PTPRG: variants seen among roughly 807,000 people sequenced by gnomAD.
PTPRG encodes the protein receptor-type tyrosine-protein phosphatase gamma.
Under a neutral mutation model 165.3 loss-of-function variants are expected in PTPRG, and 102 were observed. The observed-to-expected ratio is 0.62, with a 90% confidence interval of 0.53 to 0.73. PTPRG has a LOEUF of 0.73. Among genes scored for constraint, PTPRG ranks in the 30% least tolerant of loss-of-function variants. The probability of loss-of-function intolerance (pLI) is 0.00; values close to 1 mark genes in which losing one functional copy is unlikely to be tolerated. For synonymous variants in PTPRG, 675 were observed against 669.5 expected (o/e 1.01, Z -0.13); for missense variants, 1,866 against 1,861.4 (o/e 1.00, Z -0.05).
At chr3:62,120,333 A>G (rs1268048539) in intron 5 of PTPRG, among the ~76,000 whole-genome samples, 2 of 152,212 alleles carry the variant, frequency 1.3e-5, no homozygotes, top group Admixed American at 1.3e-4. Flanking sequence ...AGGAGGTAGA[A>G]TCTTCCAGAA....
At chr3:61,892,838 G>C (rs887058867) in intron 2 of PTPRG, among the ~76,000 whole-genome samples, 4 of 151,768 alleles carry the variant, frequency 2.6e-5, no homozygotes, top group Non-Finnish European at 4.4e-5. Flanking sequence ...AAAGTACCTG[G>C]GTCCCTTTAA....
intron 3 of PTPRG, among the ~76,000 whole-genome samples, chr3:62,002,001 T>G (rs1398337016): frequency 6.6e-6 from 1 of 152,218 alleles, no homozygotes; most frequent in Non-Finnish European, 1.5e-5. Context: ...CATGTTTAAT[T>G]GGCACAAGAA....
intron 7 of PTPRG, among the ~76,000 whole-genome samples, chr3:62,166,990 T>C (rs1705013242): frequency 6.6e-6 from 1 of 152,082 alleles, no homozygotes; most frequent in African/African-American, 2.4e-5. Context: ...GCCCAAAGAA[T>C]CCCTTTTGAT....
At chr3:61,980,405 T>C (rs1326508656) in intron 2 of PTPRG, among the ~76,000 whole-genome samples, 2 of 152,186 alleles carry the variant, frequency 1.3e-5, no homozygotes, top group African/African-American at 4.8e-5. Context: ...CTTCAGAGCT[T>C]GTTTCTTCTT....
In PTPRG at chr3:62,191,065, G is replaced by A. The variant is rs544508088; in HGVS notation, c.1034-404G>A. On this transcript the variant is annotated intron_variant, in intron 8 of 29. Transcript: ENST00000474889. ...CAGAAAAACAGTTCTGTGTGTGTGC[G>A]CATGTGCATCTGTGTCCCGTGCATG... Among the ~76,000 whole-genome samples, 7 of 152,262 alleles carry A rather than the reference G, an allele frequency of 4.6e-5. No individual in the cohort carries two copies. In the East Asian group the frequency reaches 9.7e-4, roughly 21 times the overall value.
At chr3:61,568,779 A>C (rs1281013448) in intron 1 of PTPRG, among the ~76,000 whole-genome samples, 1 of 151,950 alleles carries the variant, frequency 6.6e-6, no homozygotes, top group Non-Finnish European at 1.5e-5. Flanking sequence ...ATGGTGGTGC[A>C]CACCTGTAGT....
chr3:61,570,288 CATG>C lies in PTPRG; in HGVS notation c.85+7919_85+7921del, dbSNP rs1271842930. The stretch of plus-strand genomic sequence containing the variant: ...TTTTTTTTTTGCAGACTGAAATCAG[CATG>C]ATATTTTTCTGGCCAAACAACAAAA... On this transcript the variant is annotated intron_variant, in intron 1 of 29. Transcript: ENST00000474889. Among the ~76,000 whole-genome samples, 5 of 151,508 alleles carry C rather than the reference CATG, an allele frequency of 3.3e-5. No individual in the cohort carries two copies. The East Asian group carries it at 9.7e-4, about 29-fold the overall frequency.
intron 2 of PTPRG, among the ~76,000 whole-genome samples, chr3:61,765,775 C>CT (rs2033997921): frequency 6.6e-6 from 1 of 152,160 alleles, no homozygotes; most frequent in Non-Finnish European, 1.5e-5. Flanking sequence ...AGATTTCTCA[C>CT]TTTTTTGTAT....
intron 2 of PTPRG, among the ~76,000 whole-genome samples, chr3:61,793,471 A>G (rs1248272483): frequency 2.0e-5 from 3 of 152,222 alleles, no homozygotes; most frequent in Non-Finnish European, 4.4e-5. Context: ...CCTAGAAGGT[A>G]GAAAGAGAAC....
intron 4 of PTPRG, among the ~76,000 whole-genome samples, chr3:62,048,605 T>C (rs1700370657): frequency 6.6e-6 from 1 of 152,226 alleles, no homozygotes. Context: ...CTTACTACCT[T>C]TTTAATCTAT....
chr3:62,096,742 T>C (rs886556), intron 5 of PTPRG, among the ~76,000 whole-genome samples: 97,625 of 152,042 alleles, frequency 0.64, 31,586 homozygotes, highest in Middle Eastern at 0.72. Context: ...TATAGTATCA[T>C]ATTATTCTCT....
intron 16 of PTPRG, chr3:62,262,021 G>C (rs1701714844): frequency 6.6e-6 from 1 of 152,110 alleles, no homozygotes; most frequent in South Asian, 2.1e-4. Context: ...TCCCTTATTA[G>C]TCAGCTCCAG....
chr3:61,684,788 A>T (rs183992215), intron 1 of PTPRG, among the ~76,000 whole-genome samples: 12 of 152,318 alleles, frequency 7.9e-5, no homozygotes, highest in Admixed American at 7.2e-4. Flanking sequence ...GGTACTTGGA[A>T]ATCTGAGTTT....
At chr3:61,696,937 A>C (rs562709430) in intron 1 of PTPRG, among the ~76,000 whole-genome samples, 1 of 152,088 alleles carries the variant, frequency 6.6e-6, no homozygotes, top group South Asian at 2.1e-4. Context: ...TTTTTCCTCT[A>C]CTCAGTGGGG....
chr3:61,890,425 T>G (rs2038180898), intron 2 of PTPRG, among the ~76,000 whole-genome samples: 4 of 13,620 alleles, frequency 2.9e-4, no homozygotes, highest in East Asian at 0.029. Context: ...TTTTTTTTGT[T>G]TTTTTTTTTT....
At chr3:61,813,938 C>T (rs1435045537) in intron 2 of PTPRG, among the ~76,000 whole-genome samples, 1 of 151,050 alleles carries the variant, frequency 6.6e-6, no homozygotes, top group African/African-American at 2.4e-5. Flanking sequence ...TGTCACCACC[C>T]AGGCTGGAGT....
intron 2 of PTPRG, among the ~76,000 whole-genome samples, chr3:61,877,278 A>G (rs181143354): frequency 6.6e-6 from 1 of 152,234 alleles, no homozygotes; most frequent in Non-Finnish European, 1.5e-5. Flanking sequence ...TAGCATTTGG[A>G]TATTTATTAT....
At chr3:61,950,757 A>C (rs2039880643) in intron 2 of PTPRG, among the ~76,000 whole-genome samples, 1 of 152,248 alleles carries the variant, frequency 6.6e-6, no homozygotes, top group Non-Finnish European at 1.5e-5. Context: ...TATGCCTGCC[A>C]CAGGAAATGT....
intron 1 of PTPRG, among the ~76,000 whole-genome samples, chr3:61,613,053 C>T (rs771678985): frequency 2.6e-5 from 4 of 152,174 alleles, no homozygotes; most frequent in Non-Finnish European, 5.9e-5. Context: ...GAGTGGCTTA[C>T]GCTTAGACTG....
Sources: gnomAD v4.1 joint callset for allele counts (sites outside exome capture counted in the v4.1 genomes callset) on GRCh38, gnomAD v4.1.1 for gene constraint, MANE v1.5 for transcripts, NCBI Gene and HGNC (gene_info 2026-07-23, HGNC 2026-07-21) for gene names.